The following HTT variants were observed in gnomAD, a reference collection of about 807,000 sequenced individuals.
HTT encodes the protein huntingtin.
HTT carries 104 observed loss-of-function variants against 362.3 expected under a neutral mutation model. The ratio of observed to expected loss-of-function variants is 0.29; its 90% CI spans 0.24 to 0.34. The LOEUF (loss-of-function observed/expected upper bound fraction) is 0.34. HTT is among the 10% of genes least tolerant of loss of function. The pLI is 1.00. For synonymous variants in HTT, 1,577 were observed against 1,548.7 expected, an observed-to-expected ratio of 1.02 and a Z score of -0.43; for missense variants, 3,301 against 3,928.6, an observed-to-expected ratio of 0.84 and a Z score of 4.27.
At chr4:3,163,604 T>G (rs1229851884) in intron 29 of HTT, among the ~76,000 whole-genome samples, 1 of 152,228 alleles carries the variant, frequency 6.6e-6, no homozygotes, top group Non-Finnish European at 1.5e-5. Context: ...TTAGAACCTG[T>G]TATCAGTCTA....
rs747431001 is a variant in HTT, at chr4:3,127,479, G to A, written c.1618G>A (p.Val540Ile). The A allele has an allele frequency of 1.9e-5, 31 of 1,614,022 alleles. No homozygotes were observed. The highest frequency in any genetic ancestry group is 1.9e-4 in the African/African-American group (14 of 74,908). ...CCACAGCTCCAGCCAGGTCAGCGCCGTCCCATCTGACCCTGCCATGGACCT... is the reference window on the plus strand; with the variant it reads ...CCACAGCTCCAGCCAGGTCAGCGCCATCCCATCTGACCCTGCCATGGACCT... ...LSHSSSQVSA[V>I]PSDPAMDLND... Residue 540 changes from valine to isoleucine, a missense_variant, in exon 12 of 67, where the codon GTC becomes ATC. Physicochemically the swap from Val to Ile is conservative, Grantham distance 29. Around this residue, in one of 4 missense-constraint regions of HTT, gnomAD observed 2,316 missense variants for 2,658.5 expected, o/e 0.87. Coordinates refer to ENST00000355072, the MANE Select transcript of HTT (RefSeq NM_001388492.1).
rs363145 is a variant in HTT, at chr4:3,158,852, C to T, written c.3754-1430C>T. ...ATACTTCTTTTCCACCTGTTTTCAA[C>T]TCATATCATCTTGAATTTCAGGGCA... On this transcript the variant is annotated intron_variant, in intron 28 of 66. Coordinates refer to ENST00000355072, the MANE Select transcript of HTT (RefSeq NM_001388492.1). Among the ~76,000 whole-genome samples, 39 of 152,246 alleles carry T rather than the reference C, an allele frequency of 2.6e-4. No homozygotes were observed. In the South Asian group the frequency reaches 7.9e-3, roughly 31 times the overall value.
chr4:3,209,881 C>G lies in HTT; in HGVS notation c.6346C>G (p.Leu2116Val). 2 of 1,614,226 alleles carry G rather than the reference C, an allele frequency of 1.2e-6. No homozygotes were observed. The highest frequency in any genetic ancestry group is 2.2e-5 in the South Asian group (2 of 91,078). Residue 2116 changes from leucine to valine, a missense_variant, in exon 47 of 67, where the codon CTG (leucine) becomes GTG (valine). This residue lies in a region of HTT where 2,316 missense variants were observed against 2,658.5 expected (regional missense o/e 0.87). Coordinates refer to ENST00000355072, the MANE Select transcript of HTT (RefSeq NM_001388492.1). ...SQCWTRSDSALLEGAELVNRI... is the reference protein window; with the variant it reads ...SQCWTRSDSAVLEGAELVNRI... Reference sequence around the variant, plus strand: ...GTGTTGGACCAGGTCAGATTCTGCACTGCTGGAAGGTGCAGAGCTGGTGAA... The same window carrying G: ...GTGTTGGACCAGGTCAGATTCTGCAGTGCTGGAAGGTGCAGAGCTGGTGAA...
At chr4:3,102,787 C>G (rs1714220080) in intron 3 of HTT, among the ~76,000 whole-genome samples, 1 of 152,254 alleles carries the variant, frequency 6.6e-6, no homozygotes, top group Non-Finnish European at 1.5e-5. Context: ...GTCCCATCCC[C>G]TAGCTTGAGA....
chr4:3,091,482 A>G, intron 2 of HTT, among the ~76,000 whole-genome samples: 1 of 152,258 alleles, frequency 6.6e-6, no homozygotes, highest in Non-Finnish European at 1.5e-5. Flanking sequence ...AATATGTCAA[A>G]ATCCACCTTC....
chr4:3,121,487 C>A, intron 9 of HTT, 55 bp downstream of exon 9: 2 of 1,222,514 alleles, frequency 1.6e-6, no homozygotes, highest in Non-Finnish European at 2.4e-6. Flanking sequence ...ATACTAGTTA[C>A]ACTCTATTGA....
chr4:3,082,369 A>T (rs1427821418), intron 1 of HTT, among the ~76,000 whole-genome samples: 1 of 152,084 alleles, frequency 6.6e-6, no homozygotes, highest in Non-Finnish European at 1.5e-5. Flanking sequence ...CTTTGAATGG[A>T]TCCACACTCA....
intron 5 of HTT, 59 bp from the exon 6 acceptor site, chr4:3,107,226 G>T (rs1714476646): frequency 6.3e-7 from 1 of 1,577,454 alleles, no homozygotes; most frequent in East Asian, 2.3e-5. Context: ...GGAATGAATT[G>T]CTTCTGTTTC....
At chr4:3,182,215 C>A in intron 36 of HTT, 139 bp from the exon 37 acceptor site, 1 of 604,086 alleles carries the variant, frequency 1.7e-6, no homozygotes. Context: ...GCATTAGTGT[C>A]CCCCTGTCCT....
intron 24 of HTT, among the ~76,000 whole-genome samples, chr4:3,146,418 A>G (rs141135469): frequency 1.3e-5 from 2 of 152,354 alleles, no homozygotes; most frequent in African/African-American, 2.4e-5. Flanking sequence ...TTCCATAGTA[A>G]TAAAGAGTTC....
At chr4:3,146,080 G>T (rs375128452) in intron 24 of HTT, among the ~76,000 whole-genome samples, 3 of 152,142 alleles carry the variant, frequency 2.0e-5, no homozygotes, top group Non-Finnish European at 4.4e-5. Flanking sequence ...AAGAAAATAT[G>T]GGTAGACACC....
At chr4:3,123,999 A>T (rs1578517050) in intron 10 of HTT, among the ~76,000 whole-genome samples, 1 of 152,230 alleles carries the variant, frequency 6.6e-6, no homozygotes, top group South Asian at 2.1e-4. Context: ...TATTATTTGC[A>T]GTATTAAATG....
chr4:3,153,193 G>C (rs536581382), intron 26 of HTT, among the ~76,000 whole-genome samples: 1 of 152,164 alleles, frequency 6.6e-6, no homozygotes. Context: ...AGGAAGCTCT[G>C]TGGGGCCTCT....
intron 28 of HTT, among the ~76,000 whole-genome samples, chr4:3,159,121 G>A (rs1374075145): frequency 6.6e-6 from 1 of 152,152 alleles, no homozygotes; most frequent in African/African-American, 2.4e-5. Context: ...CTTCTGCTGA[G>A]TTGCTCAGCG....
chr4:3,234,247 C>A (rs1276393875), intron 61 of HTT, among the ~76,000 whole-genome samples: 1 of 152,250 alleles, frequency 6.6e-6, no homozygotes, highest in Admixed American at 6.5e-5. Context: ...TTGGGACATG[C>A]TGGAGCAGGG....
At chr4:3,118,112 T>C (rs1018313549) in intron 8 of HTT, among the ~76,000 whole-genome samples, 4 of 152,212 alleles carry the variant, frequency 2.6e-5, no homozygotes, top group African/African-American at 9.7e-5. Context: ...TGCTTCCATC[T>C]CCACTGTGTA....
intron 46 of HTT, 34 bp from the exon 47 acceptor site, chr4:3,209,793 A>G: frequency 6.2e-7 from 1 of 1,610,934 alleles, no homozygotes; most frequent in Non-Finnish European, 8.5e-7. Flanking sequence ...AACGCCGCCC[A>G]TCATGTTCCC....
At chr4:3,188,070 C>G (rs1718848972) in intron 39 of HTT, 184 bp downstream of exon 39, 2 of 563,122 alleles carry the variant, frequency 3.6e-6, no homozygotes, top group African/African-American at 1.9e-5. Context: ...TCATACCTGT[C>G]TTGAAGTTCT....
chr4:3,121,081 A>G, intron 8 of HTT, 147 bp from the exon 9 acceptor site: 2 of 600,506 alleles, frequency 3.3e-6, no homozygotes, highest in East Asian at 2.8e-5. Context: ...TAATGATCAC[A>G]TTGGTGGAAG....
Sources: allele counts gnomAD v4.1 joint callset (sites outside exome capture counted in the v4.1 genomes callset), GRCh38; gene constraint gnomAD v4.1.1; regional missense constraint gnomAD v4.1.1; transcripts MANE v1.5; gene names NCBI Gene and HGNC (gene_info 2026-07-23, HGNC 2026-07-21).